The following TRMU variants were observed in gnomAD, a reference collection of about 807,000 sequenced individuals.
TRMU encodes the protein mitochondrial tRNA-specific 2-thiouridylase 1.
A neutral mutation model predicts 46.9 loss-of-function variants in TRMU; 49 were observed. The ratio of observed to expected loss-of-function variants is 1.05; its 90% CI spans 0.83 to 1.33. The LOEUF is 1.33. Ranked by LOEUF, TRMU falls within the 40% of genes most tolerant of loss-of-function variation. The pLI is 0.00. For synonymous variants in TRMU, 241 were observed against 200.9 expected, an observed-to-expected ratio of 1.20 and a Z score of -1.69; for missense variants, 572 against 532.4, an observed-to-expected ratio of 1.07 and a Z score of -0.73.
chr22:46,349,893 A>C lies in TRMU; in HGVS notation c.479-398A>C, dbSNP rs1452407630. Reference sequence around the variant, plus strand: ...AACACATCCTGTGGTTGTTGGAAGAAGGCACAGCTGACACTATATCAGTGG... The same window carrying C: ...AACACATCCTGTGGTTGTTGGAAGACGGCACAGCTGACACTATATCAGTGG... On this transcript the variant is annotated intron_variant, in intron 4 of 10. Transcript: ENST00000645190. The surrounding 1 kb of genome is among the most constrained non-coding windows in gnomAD (Gnocchi z 4.6). 1.3e-5 allele frequency among the ~76,000 whole-genome samples: 2 copies of C among 152,216 alleles called. No homozygotes were observed. Among genetic ancestry groups the C allele is most frequent in the Non-Finnish European group, 2.9e-5 (2 of 68,038 alleles).
rs896671534 is a variant in TRMU, at chr22:46,356,058, C to T, written c.1087C>T (p.Leu363Phe). 1.7e-5 allele frequency: 28 copies of T among 1,613,752 alleles called. No homozygotes were observed. The highest frequency in any genetic ancestry group is 1.9e-5 in the Non-Finnish European group (23 of 1,179,892). Residue 363 changes from leucine to phenylalanine, a missense_variant, in exon 10 of 11, where the codon CTT (leucine) becomes TTT (phenylalanine). Transcript: ENST00000645190. Reference protein sequence around the residue: ...WVTAVQAVRALATGQFAVFYK... With the variant: ...WVTAVQAVRAFATGQFAVFYK... ...GACAGCTGTGCAGGCTGTGCGTGCC[C>T]TTGCCACAGGACAGGTGCGTGGGGT...
intron 2 of TRMU, 142 bp from the exon 3 acceptor site, chr22:46,343,120 C>A: frequency 1.5e-6 from 1 of 671,232 alleles, no homozygotes; most frequent in Non-Finnish European, 2.6e-6. Flanking sequence ...TGTTCGATGA[C>A]TGACGTTCTC....
intron 7 of TRMU, chr22:46,353,456 AGGGCACCCAGCCGCATCCT>A (rs1301344669): frequency 2.7e-6 from 1 of 370,852 alleles, no homozygotes; most frequent in Non-Finnish European, 5.3e-6. Flanking sequence ...GGCGTCACAC[AGGGCACCCAGCCGCATCCT>A]GGGCCTAGGG....
At chr22:46,354,213 C>T in intron 8 of TRMU, 2 of 335,334 alleles carry the variant, frequency 6.0e-6, no homozygotes, top group Non-Finnish European at 1.2e-5. Flanking sequence ...TGGTGCCCAC[C>T]ATGGTAGGAT....
rs946252313 is a variant in TRMU at position 46,348,733 on chromosome 22, T to G, written c.479-1558T>G. Among the ~76,000 whole-genome samples, 4 of 152,250 alleles carry G rather than the reference T, an allele frequency of 2.6e-5. No homozygotes were observed. Among genetic ancestry groups the G allele is most frequent in the Admixed American group, 2.6e-4 (4 of 15,286 alleles). On this transcript the variant is annotated intron_variant, in intron 4 of 10. Transcript: ENST00000645190. This position sits in a 1 kb window ranked among gnomAD's most constrained non-coding sequence, Gnocchi z 4.8. ...TGCTTTTTTGAAAATCATAGATTTT[T>G]AGTTTGTTTTAAAATGACGCAGAAC...
At chr22:46,356,724 G>C in intron 10 of TRMU, 118 bp from the exon 11 acceptor site, 2 of 1,250,882 alleles carry the variant, frequency 1.6e-6, no homozygotes, top group Non-Finnish European at 2.3e-6. Context: ...TGCTCCCCTG[G>C]GAGCTCAGTG....
intron 10 of TRMU, chr22:46,356,391 G>T: frequency 2.2e-6 from 1 of 450,264 alleles, no homozygotes; most frequent in Non-Finnish European, 4.1e-6. Context: ...CAGAGGGTCG[G>T]GGCCCCTGTG....
At chr22:46,356,202 C>T (rs1602000352) in intron 10 of TRMU, 130 bp downstream of exon 10, 5 of 968,232 alleles carry the variant, frequency 5.2e-6, no homozygotes, top group African/African-American at 3.2e-5. Flanking sequence ...CTGGTGAGGG[C>T]AGAGTGCCAC....
At position 46,353,758 on chromosome 22, in the gene TRMU, T is replaced by G; in HGVS notation, c.773-9T>G. On this transcript the variant is annotated splice_polypyrimidine_tract_variant and intron_variant, in intron 7 of 10. Transcript: ENST00000645190. ...TGCCCAGCCTCATGGAGAAACTGTC[T>G]TTCTGTAGGTTGGTTCCTGTATACC... The G allele has an allele frequency of 6.2e-7, 1 of 1,613,360 alleles. No homozygotes were observed. The highest frequency in any genetic ancestry group is 1.3e-5 in the African/African-American group (1 of 75,026).
rs387907022 is a variant in TRMU, at chr22:46,353,829, G to A, written c.835G>A (p.Val279Met). 333 of 1,614,010 alleles carry A rather than the reference G, an allele frequency of 2.1e-4. No homozygotes were observed. The highest frequency in any genetic ancestry group is 4.8e-4 in the South Asian group (44 of 91,074). The change falls in exon 8 of 11, where the codon GTG (valine) becomes ATG (methionine). Residue 279 changes from valine (V) to methionine (M), a missense_variant. Val to Met is a conservative substitution (Grantham distance 21). Coordinates refer to ENST00000645190, the MANE Select transcript of TRMU (RefSeq NM_018006.5). ...AGGTGGCCTGAGAGAGCCCTGGTAC[G>A]TGGTGGAGAAGGACAGCGTCAAGGG... ...NIGGLREPWYVVEKDSVKGDV... is the reference protein window; with the variant it reads ...NIGGLREPWYMVEKDSVKGDV...
In TRMU at chr22:46,339,410, A is replaced by C. The variant is rs1238482787; in HGVS notation, c.248+1466A>C. Among the ~76,000 whole-genome samples, 2 of 152,208 alleles carry C rather than the reference A, an allele frequency of 1.3e-5. No homozygotes were observed. The highest frequency in any genetic ancestry group is 4.8e-5 in the African/African-American group (2 of 41,446). ...GAAGATCCACTCGTCTCAGCCTCCC[A>C]AAGTGCTGGGATTACAGGCGTGAGC... On this transcript the variant is annotated intron_variant, in intron 2 of 10. Coordinates refer to ENST00000645190, the MANE Select transcript of TRMU (RefSeq NM_018006.5). This position sits in a 1 kb window ranked among gnomAD's most constrained non-coding sequence, Gnocchi z 4.8.
chr22:46,356,962 A>G lies in TRMU; in HGVS notation c.1222A>G (p.Ser408Gly). Residue 408 changes from serine to glycine, a missense_variant, in exon 11 of 11, where the codon AGT becomes GGT. Transcript: ENST00000645190. Reference sequence around the variant, plus strand: ...AGCTGGGATGGCCACTGAGAGCCCCAGTGACAGCCCAGAAGATGGTCCAGG... The same window carrying G: ...AGCTGGGATGGCCACTGAGAGCCCCGGTGACAGCCCAGAAGATGGTCCAGG... Reference protein sequence around the residue: ...RRAGMATESPSDSPEDGPGLS... With the variant: ...RRAGMATESPGDSPEDGPGLS... The G allele has an allele frequency of 6.2e-7, 1 of 1,613,558 alleles. No homozygotes were observed. Among genetic ancestry groups the G allele is most frequent in the Non-Finnish European group, 8.5e-7 (1 of 1,179,994 alleles).
chr22:46,353,289 C>G (rs78478444), intron 7 of TRMU: 5,150 of 204,584 alleles, frequency 0.025, 291 homozygotes, highest in African/African-American at 0.11. Flanking sequence ...TGCCTGTGTG[C>G]CCCACTGCAG....
chr22:46,355,371 C>T (rs1465501863), intron 8 of TRMU, 73 bp from the exon 9 acceptor site: 2 of 1,581,094 alleles, frequency 1.3e-6, no homozygotes, highest in African/African-American at 1.3e-5. Flanking sequence ...CAGTTGTTCC[C>T]AGGGACCACA....
In TRMU at chr22:46,356,959, C is replaced by G. The variant is rs762123784; in HGVS notation, c.1219C>G (p.Pro407Ala). Residue 407 changes from proline to alanine, a missense_variant, in exon 11 of 11, where the codon CCC becomes GCC. Pro to Ala is a conservative substitution (Grantham distance 27, BLOSUM62 -1). Transcript: ENST00000645190. ...QRRAGMATES[P>A]SDSPEDGPGL... ...CAGAGCTGGGATGGCCACTGAGAGC[C>G]CCAGTGACAGCCCAGAAGATGGTCC... 6.2e-7 allele frequency: 1 copy of G among 1,613,580 alleles called. No homozygotes were observed. The highest frequency in any genetic ancestry group is 8.5e-7 in the Non-Finnish European group (1 of 1,180,028).
In TRMU at chr22:46,350,838, CAT is replaced by C. The variant is rs1200257022; in HGVS notation, c.651+376_651+377del. On this transcript the variant is annotated intron_variant, in intron 5 of 10. Transcript: ENST00000645190. The surrounding 1 kb of genome is among the most constrained non-coding windows in gnomAD (Gnocchi z 4.6). Reference sequence around the variant, plus strand: ...GGTGCTGTGCCGCCGTCTGCACACTCATGTGCCCTGTCACCCGCTTGCCCGGC... The same window carrying C: ...GGTGCTGTGCCGCCGTCTGCACACTCGTGCCCTGTCACCCGCTTGCCCGGC... 6.6e-6 allele frequency among the ~76,000 whole-genome samples: 1 copy of C among 152,230 alleles called. No homozygotes were observed. The highest frequency in any genetic ancestry group is 2.1e-4 in the South Asian group (1 of 4,826).
In TRMU at chr22:46,342,917, ATCTTC is replaced by A. The variant is rs1303980673; in HGVS notation, c.249-339_249-335del. 2.6e-5 allele frequency among the ~76,000 whole-genome samples: 4 copies of A among 152,276 alleles called. No homozygotes were observed. Among genetic ancestry groups the A allele is most frequent in the Admixed American group, 2.6e-4 (4 of 15,286 alleles). ...ATTTCATTTCCACTGTCACTCAGGC[ATCTTC>A]TCTTCCTCACCTAAGCCCTGCTGTG... is the stretch of plus-strand genomic sequence containing the variant. On this transcript the variant is annotated intron_variant, in intron 2 of 10. Coordinates refer to ENST00000645190, the MANE Select transcript of TRMU (RefSeq NM_018006.5). The surrounding 1 kb of genome is among the most constrained non-coding windows in gnomAD (Gnocchi z 4.7).
At chr22:46,341,332 G>GT (rs1277504430) in intron 2 of TRMU, among the ~76,000 whole-genome samples, 1 of 152,192 alleles carries the variant, frequency 6.6e-6, no homozygotes, top group African/African-American at 2.4e-5. Context: ...ACCTTAAGTA[G>GT]TTTATAGTTT....
rs753665085 is a variant in TRMU, at chr22:46,356,087, G to A, written c.1101+15G>A. On this transcript the variant is annotated intron_variant, in intron 10 of 10. Transcript: ENST00000645190. ...CCACAGGACAGGTGCGTGGGGTGTG[G>A]GGGTGAGCCCGGGGAGGACTGTACT... 2 of 1,613,804 alleles carry A rather than the reference G, an allele frequency of 1.2e-6. No homozygotes were observed. The highest frequency in any genetic ancestry group is 2.2e-5 in the East Asian group (1 of 44,884).
Sources: gnomAD v4.1 joint callset for allele counts (sites outside exome capture counted in the v4.1 genomes callset) on GRCh38, gnomAD v4.1.1 for gene constraint, Gnocchi (gnomAD v3.1) non-coding constraint, MANE v1.5 for transcripts, NCBI Gene and HGNC (gene_info 2026-07-23, HGNC 2026-07-21) for gene names.